The following TLE2 variants were observed in gnomAD, a reference collection of about 807,000 sequenced individuals.
TLE2 encodes the protein TLE family member 2, transcriptional corepressor.
In TLE2, 74 loss-of-function variants were observed where a neutral mutation model predicts 97.2. The ratio of observed to expected loss-of-function variants is 0.76; its 90% CI spans 0.63 to 0.92. The LOEUF is 0.92. Ranked by LOEUF, TLE2 falls within the 40% of genes least tolerant of loss-of-function variation. TLE2 has a pLI of 0.00. For synonymous variants in TLE2, 499 were observed against 432.1 expected (o/e 1.15, Z -1.92); for missense variants, 1,038 against 1,008.7 (o/e 1.03, Z -0.39).
At chr19:3,000,785 G>T in intron 18 of TLE2, 62 bp from the exon 19 acceptor site, 2 of 1,323,344 alleles carry the variant, frequency 1.5e-6, no homozygotes, top group East Asian at 2.5e-5. Context: ...CGGGCTGCAG[G>T]GGGAGGTCGG....
At position 3,015,684 on chromosome 19, in the gene TLE2, C is replaced by G. The variant is rs751899863; in HGVS notation, c.647G>C (p.Arg216Thr). 4 of 1,611,154 alleles carry G rather than the reference C, an allele frequency of 2.5e-6. No homozygotes were observed. Among genetic ancestry groups the G allele is most frequent in the East Asian group, 2.2e-5 (1 of 44,782 alleles). The change falls in exon 9 of 20, where the codon AGA (arginine) becomes ACA (threonine). Residue 216 changes from arginine to threonine, a missense_variant. Arg to Thr is a moderately conservative substitution (Grantham distance 71). Transcript: ENST00000262953. ...TCCTGATGGCTCCTTCTCATCTGCT[C>G]TCTGCTTCCCGCCACCACCAGGGCC... ...PSGPGGGGKQ[R>T]ADEKEPSGPY...
chr19:3,029,312 G>C (rs1477811844), upstream of TLE2: 6 of 191,918 alleles, frequency 3.1e-5, no homozygotes, highest in African/African-American at 4.8e-5. Flanking sequence ...CCTTAAGGTG[G>C]CGCCGCCGCC....
intron 19 of TLE2, among the ~76,000 whole-genome samples, chr19:2,998,595 G>C (rs948599963): frequency 6.6e-6 from 1 of 151,978 alleles, no homozygotes; most frequent in Non-Finnish European, 1.5e-5. Flanking sequence ...TGTATTTTTA[G>C]TAGAGACTGG....
rs552962403 is a variant in TLE2 at position 3,000,788 on chromosome 19, G to A, written c.2048-65C>T. ...TAACGAGAGACCCGGGCTGCAGGGG[G>A]AGGTCGGGGAAGCTGGGTCTGGGTC... On this transcript the variant is annotated intron_variant, in intron 18 of 19. Coordinates refer to ENST00000262953, the MANE Select transcript of TLE2 (RefSeq NM_003260.5). 84 of 1,318,184 alleles carry A rather than the reference G, an allele frequency of 6.4e-5. No homozygotes were observed. In the East Asian group the frequency reaches 1.3e-3, roughly 20 times the overall value. The allele number at this position is 1,318,184 out of a possible 1,614,324, so 81.7% of individuals were successfully genotyped here. A position where few individuals can be genotyped will look rare whatever the true frequency, so the allele number is the denominator to read the frequency against.
chr19:3,003,466 CAT>C (rs973853474), intron 17 of TLE2, among the ~76,000 whole-genome samples: 9 of 152,058 alleles, frequency 5.9e-5, no homozygotes, highest in Admixed American at 6.6e-5. Context: ...GGCGAAAACC[CAT>C]CTCTACTAAA....
intron 8 of TLE2, among the ~76,000 whole-genome samples, chr19:3,016,504 C>T (rs530844781): frequency 6.8e-6 from 1 of 146,726 alleles, no homozygotes; most frequent in African/African-American, 2.5e-5. Context: ...GCAGGAGAAT[C>T]ACTTGAACCC....
At chr19:3,011,202 T>C in intron 11 of TLE2, 42 bp from the exon 12 acceptor site, 1 of 1,533,508 alleles carries the variant, frequency 6.5e-7, no homozygotes, top group East Asian at 2.3e-5. Flanking sequence ...AGGCACCTGG[T>C]GTCTTGTGGC....
chr19:3,044,714 C>G (rs918596871), intron 1 of TLE2, among the ~76,000 whole-genome samples: 1 of 152,242 alleles, frequency 6.6e-6, no homozygotes, highest in Admixed American at 6.5e-5. Context: ...GCCACTGTGC[C>G]TGGCCTTCAC....
intron 5 of TLE2, among the ~76,000 whole-genome samples, chr19:3,021,932 G>A (rs137951030): frequency 3.9e-5 from 6 of 152,138 alleles, no homozygotes; most frequent in Non-Finnish European, 2.9e-5. Flanking sequence ...CAGGTCGGGC[G>A]CAGTGGCTCA....
intron 19 of TLE2, 112 bp from the exon 20 acceptor site, chr19:2,998,067 G>A: frequency 2.9e-6 from 2 of 690,564 alleles, no homozygotes; most frequent in South Asian, 3.3e-5. Flanking sequence ...CTCGCCTACA[G>A]AGTGACGTGT....
chr19:3,015,899 TTC>T (rs1323984570), intron 8 of TLE2, 139 bp from the exon 9 acceptor site: 1 of 716,598 alleles, frequency 1.4e-6, no homozygotes, highest in South Asian at 1.5e-5. Flanking sequence ...AAATGGGAGC[TTC>T]CAACGGCTGA....
chr19:3,028,186 G>T, intron 3 of TLE2, 133 bp downstream of exon 3: 1 of 1,015,924 alleles, frequency 9.8e-7, no homozygotes, highest in Non-Finnish European at 1.5e-6. Flanking sequence ...TAGAGAGCCT[G>T]AAATCCCAAC....
chr19:3,017,796 C>A (rs187225230), intron 8 of TLE2, 44 bp downstream of exon 8: 1 of 1,599,142 alleles, frequency 6.3e-7, no homozygotes. Flanking sequence ...CCAGCGTTGG[C>A]CTCCCAAGAA....
chr19:3,019,329 C>T lies in TLE2; in HGVS notation c.504G>A (p.Ala168=), dbSNP rs781758361. The T allele has an allele frequency of 6.6e-5, 104 of 1,573,924 alleles. No individual in the cohort carries two copies. The highest frequency in any genetic ancestry group is 6.6e-4 in the African/African-American group (49 of 74,300). ...CGCCCGCACGGTCCTCCTTGACAGC[C>T]GCCGCCAGCTGAGCCTGGGCAGCCA... ...GALAAQAQLA[A]AVKEDRAGVE... The change falls in exon 7 of 20, where the codon GCG becomes GCA. Residue 168 remains alanine, a synonymous_variant. Coordinates refer to ENST00000262953, the MANE Select transcript of TLE2 (RefSeq NM_003260.5). This position sits in a 1 kb window ranked among gnomAD's most constrained non-coding sequence, Gnocchi z 5.1.
chr19:3,027,921 C>T lies in TLE2; in HGVS notation c.187-48G>A, dbSNP rs199966159. 4,080 of 1,570,890 alleles carry T rather than the reference C, an allele frequency of 2.6e-3. 9 individuals carry two copies. Among genetic ancestry groups the T allele is most frequent in the Admixed American group, 3.6e-3 (200 of 55,014 alleles). On this transcript the variant is annotated intron_variant, in intron 3 of 19. Transcript: ENST00000262953. ...GAACGTCTAGGGTGGAGATGGGTGC[C>T]CTCCTCCAGATAGGTGATGCCAGGG...
intron 4 of TLE2, 77 bp from the exon 5 acceptor site, chr19:3,025,159 G>T: frequency 7.0e-7 from 1 of 1,419,090 alleles, no homozygotes; most frequent in East Asian, 2.6e-5. Context: ...AGGCGGACCA[G>T]GTGTTGGCAA....
intron 4 of TLE2, chr19:3,025,675 T>G (rs2089931103): frequency 5.4e-6 from 5 of 918,578 alleles, no homozygotes; most frequent in Non-Finnish European, 3.9e-6. Context: ...GGCGTGTGGG[T>G]GGGGAAGGGG....
upstream of TLE2, among the ~76,000 whole-genome samples, chr19:3,047,260 C>A (rs113955961): frequency 1.4e-5 from 2 of 142,788 alleles, no homozygotes; most frequent in African/African-American, 5.2e-5. Context: ...GCGGCGCAGT[C>A]GTTAAGCGCG....
chr19:3,002,216 T>G (rs1229873085), intron 18 of TLE2, 137 bp downstream of exon 18: 1 of 1,112,438 alleles, frequency 9.0e-7, no homozygotes, highest in African/African-American at 1.6e-5. Flanking sequence ...ATACTTGTAC[T>G]AACGATTTGC....
Sources: allele counts gnomAD v4.1 joint callset (sites outside exome capture counted in the v4.1 genomes callset), GRCh38; gene constraint gnomAD v4.1.1; non-coding constraint Gnocchi (gnomAD v3.1); transcripts MANE v1.5; gene names NCBI Gene and HGNC (gene_info 2026-07-23, HGNC 2026-07-21).